XRN1: variants seen among roughly 807,000 people sequenced by gnomAD.
XRN1 encodes 5'-3' exoribonuclease 1.
XRN1 carries 67 observed loss-of-function variants against 222.3 expected under a neutral mutation model. The observed-to-expected ratio is 0.30, with a 90% CI of 0.25 to 0.37. The LOEUF (loss-of-function observed/expected upper bound fraction) is 0.37. Among genes scored for constraint, XRN1 ranks in the 10% least tolerant of loss-of-function variants. The probability of loss-of-function intolerance (pLI) is 1.00; values close to 1 mark genes in which losing one functional copy is unlikely to be tolerated. For missense variants in XRN1, 1,707 were observed against 2,000.2 expected (o/e 0.85, Z 2.80); for synonymous variants, 643 against 652.4 (o/e 0.99, Z 0.22).
At chr3:142,389,468 A>C (rs1458261622) in intron 20 of XRN1, among the ~76,000 whole-genome samples, 1 of 152,134 alleles carries the variant, frequency 6.6e-6, no homozygotes, top group African/African-American at 2.4e-5. Context: ...AATGTTCTTA[A>C]TGGCATCTAT....
At chr3:142,430,700 T>A (rs1451704264) in intron 2 of XRN1, among the ~76,000 whole-genome samples, 2 of 152,192 alleles carry the variant, frequency 1.3e-5, no homozygotes, top group African/African-American at 4.8e-5. Context: ...CTCCTTTACT[T>A]GCCATTATGA....
intron 27 of XRN1, 100 bp downstream of exon 27, chr3:142,370,385 T>C: frequency 7.3e-7 from 1 of 1,362,918 alleles, no homozygotes. Flanking sequence ...AATCACTAAG[T>C]ATATGTTTTA....
chr3:142,325,247 A>G (rs1323605471), intron 37 of XRN1, among the ~76,000 whole-genome samples: 1 of 151,580 alleles, frequency 6.6e-6, no homozygotes, highest in Non-Finnish European at 1.5e-5. Context: ...CCTGTTTTTT[A>G]TTTTTTGGTA....
At position 142,376,060 on chromosome 3, in the gene XRN1, C is replaced by T. The variant is rs370627884; in HGVS notation, c.2832-116G>A. ...TTTGCTTTCAATTCTTAGAAAAGCT[C>T]AGTTTTGATTATTCTTCTATATTTT... On this transcript the variant is annotated intron_variant, in intron 24 of 40. Transcript: ENST00000392981. 46 of 1,378,824 alleles carry T rather than the reference C, an allele frequency of 3.3e-5. 1 individual carries two copies. Among genetic ancestry groups the T allele is most frequent in the East Asian group, 2.7e-4 (10 of 36,664 alleles). The allele number at this position is 1,378,824 out of a possible 1,614,324, so 85.4% of individuals were successfully genotyped here. A position where few individuals can be genotyped will look rare whatever the true frequency, so the allele number is the denominator to read the frequency against.
intron 27 of XRN1, among the ~76,000 whole-genome samples, chr3:142,369,622 T>G (rs1036673278): frequency 1.4e-5 from 2 of 147,728 alleles, no homozygotes; most frequent in African/African-American, 5.0e-5. Context: ...CACTCCAGCC[T>G]CGGTGACAGA....
At chr3:142,369,723 C>T (rs1453274844) in intron 27 of XRN1, among the ~76,000 whole-genome samples, 1 of 148,380 alleles carries the variant, frequency 6.7e-6, no homozygotes, top group Non-Finnish European at 1.5e-5. Context: ...CTTTTTTGTT[C>T]TACAAAAAGA....
chr3:142,310,902 T>C lies in XRN1; in HGVS notation c.*609A>G, dbSNP rs1444872889. On this transcript the variant is annotated 3_prime_UTR_variant, in exon 41 of 41. Transcript: ENST00000392981. ...TCTAAAGTTGCTTTGGTACAAAATT[T>C]AGAATAAAGCAAAACTGGCAGCACC... 2 of 152,606 alleles carry C rather than the reference T, an allele frequency of 1.3e-5. No homozygotes were observed. The highest frequency in any genetic ancestry group is 4.8e-5 in the African/African-American group (2 of 41,438). The allele number at this position is 152,606 out of a possible 1,614,324, so 9.5% of individuals were successfully genotyped here.
chr3:142,435,762 C>CCAAA (rs1553745682), intron 1 of XRN1, among the ~76,000 whole-genome samples: 6 of 58,510 alleles, frequency 1.0e-4, no homozygotes, highest in African/African-American at 4.1e-4. Context: ...CCCCACCCCC[C>CCAAA]AAAAAAAAAA....
intron 33 of XRN1, 131 bp downstream of exon 33, chr3:142,347,103 C>A: frequency 1.5e-6 from 1 of 687,700 alleles, no homozygotes; most frequent in African/African-American, 1.9e-5. Flanking sequence ...TGTGAAAATA[C>A]AAAAAACCAC....
At chr3:142,339,460 T>C (rs2065930788) in intron 33 of XRN1, among the ~76,000 whole-genome samples, 1 of 152,126 alleles carries the variant, frequency 6.6e-6, no homozygotes, top group South Asian at 2.1e-4. Flanking sequence ...GAAGGACTGC[T>C]ACAAACAAGC....
At chr3:142,361,710 A>C (rs145061785) in intron 29 of XRN1, among the ~76,000 whole-genome samples, 70 of 152,268 alleles carry the variant, frequency 4.6e-4, no homozygotes, top group Admixed American at 4.2e-3. Flanking sequence ...GCATCTTTTC[A>C]TATGCTTATT....
chr3:142,407,860 T>A (rs2068406122), intron 15 of XRN1: 1 of 152,250 alleles, frequency 6.6e-6, no homozygotes, highest in African/African-American at 2.4e-5. Flanking sequence ...GTTTGTTTCA[T>A]TATCAGCCTG....
rs180977519 is a variant in XRN1, at chr3:142,402,264, C to T, written c.2103+1410G>A. Reference sequence around the variant, plus strand: ...GTGGCGCGATTTTGGCTCACTGCCACGTCCACCTCCTGGGTTCAAGCAATT... The same window carrying T: ...GTGGCGCGATTTTGGCTCACTGCCATGTCCACCTCCTGGGTTCAAGCAATT... On this transcript the variant is annotated intron_variant, in intron 18 of 40. Coordinates refer to ENST00000392981, the MANE Select transcript of XRN1 (RefSeq NM_001282857.2). 2.5e-3 allele frequency among the ~76,000 whole-genome samples: 382 copies of T among 152,148 alleles called. 2 individuals are homozygous for T. Among genetic ancestry groups the T allele is most frequent in the Middle Eastern group, 0.01 (3 of 294 alleles).
Position 142,309,578 on chromosome 3 carries a change from T to C in XRN1, c.*1933A>G, listed in dbSNP as rs2065037243. 2 of 152,232 alleles carry C rather than the reference T, an allele frequency of 1.3e-5. No individual in the cohort carries two copies. Among genetic ancestry groups the C allele is most frequent in the South Asian group, 4.1e-4 (2 of 4,840 alleles). 9.4% of individuals were successfully genotyped at this position (152,232 alleles called of 1,614,324 possible). ...ACTGTCAGCTTGCTGTGCTCAAATA[T>C]TGGTCAAGTATCCTTATGGGTTTAG... On this transcript the variant is annotated 3_prime_UTR_variant, in exon 41 of 41. Coordinates refer to ENST00000392981, the MANE Select transcript of XRN1 (RefSeq NM_001282857.2).
intron 37 of XRN1, among the ~76,000 whole-genome samples, chr3:142,321,663 G>A (rs1025466942): frequency 1.3e-5 from 2 of 152,154 alleles, no homozygotes; most frequent in Non-Finnish European, 2.9e-5. Flanking sequence ...AGTTTTCGGT[G>A]TATAAGCACA....
At chr3:142,377,583 T>A (rs993140090) in intron 23 of XRN1, among the ~76,000 whole-genome samples, 1 of 152,202 alleles carries the variant, frequency 6.6e-6, no homozygotes, top group African/African-American at 2.4e-5. Flanking sequence ...TTTTATTTAA[T>A]ACATAACTGT....
At chr3:142,366,235 A>T (rs1473410911) in intron 27 of XRN1, among the ~76,000 whole-genome samples, 1 of 152,214 alleles carries the variant, frequency 6.6e-6, no homozygotes, top group Non-Finnish European at 1.5e-5. Context: ...TTCTTATCGA[A>T]TTTTAAAAAT....
At chr3:142,442,511 C>G (rs755659440) in intron 1 of XRN1, among the ~76,000 whole-genome samples, 1 of 152,142 alleles carries the variant, frequency 6.6e-6, no homozygotes, top group South Asian at 2.1e-4. Context: ...GGCTAGCCAC[C>G]GAAGAAAGAA....
chr3:142,388,710 C>T lies in XRN1; in HGVS notation c.2340-4025G>A, dbSNP rs138984439. Among the ~76,000 whole-genome samples the T allele has an allele frequency of 3.1e-3, 479 of 152,304 alleles. 2 individuals are homozygous for T. Among genetic ancestry groups the T allele is most frequent in the African/African-American group, 9.4e-3 (390 of 41,556 alleles). On this transcript the variant is annotated intron_variant, in intron 20 of 40. Transcript: ENST00000392981. ...TGACTCTTCATGAAAGATTTCTCTGCAGAATGCAATGCTATTTTATAGCAT... is the reference window on the plus strand; with the variant it reads ...TGACTCTTCATGAAAGATTTCTCTGTAGAATGCAATGCTATTTTATAGCAT...
Sources: allele counts gnomAD v4.1 joint callset (sites outside exome capture counted in the v4.1 genomes callset), GRCh38; gene constraint gnomAD v4.1.1; transcripts MANE v1.5; gene names NCBI Gene and HGNC (gene_info 2026-07-23, HGNC 2026-07-21).